The following IPO11 variants were observed in gnomAD, a reference collection of about 807,000 sequenced individuals.
IPO11 encodes importin 11, also known as importin-11.
A neutral mutation model predicts 143.2 loss-of-function variants in IPO11; 66 were observed. That is an observed-to-expected ratio of 0.46 (90% CI 0.38 to 0.57). IPO11 has a LOEUF of 0.57. Ranked by LOEUF, IPO11 falls within the 20% of genes least tolerant of loss-of-function variation. The pLI is 0.00. For missense variants in IPO11, 1,026 were observed against 1,141.0 expected, an observed-to-expected ratio of 0.90 and a Z score of 1.45; for synonymous variants, 385 against 377.8, an observed-to-expected ratio of 1.02 and a Z score of -0.22.
intron 29 of IPO11, among the ~76,000 whole-genome samples, chr5:62,617,421 A>G (rs1746181168): frequency 6.6e-6 from 1 of 152,174 alleles, no homozygotes; most frequent in Admixed American, 6.5e-5. Context: ...AGGAATATTA[A>G]TTATATTTCT....
intron 1 of IPO11, among the ~76,000 whole-genome samples, chr5:62,418,614 T>G (rs941145452): frequency 6.6e-6 from 1 of 152,198 alleles, no homozygotes; most frequent in Non-Finnish European, 1.5e-5. Context: ...CCTTTTAGAT[T>G]GGCAGTTAGT....
chr5:62,569,067 A>G (rs1744051421), intron 27 of IPO11, among the ~76,000 whole-genome samples: 3 of 151,980 alleles, frequency 2.0e-5, no homozygotes, highest in South Asian at 4.2e-4. Flanking sequence ...CTCTTCCCTC[A>G]TATGGAAGGA....
intron 27 of IPO11, among the ~76,000 whole-genome samples, chr5:62,582,649 G>A (rs1744612511): frequency 1.3e-5 from 2 of 152,180 alleles, no homozygotes; most frequent in Admixed American, 1.3e-4. Context: ...TGGGAGATAG[G>A]TAAGTGGGGA....
chr5:62,536,564 C>A, intron 22 of IPO11, 138 bp from the exon 23 acceptor site: 1 of 942,774 alleles, frequency 1.1e-6, no homozygotes. Flanking sequence ...TCTGTAGATA[C>A]TGGTAGTCTT....
At chr5:62,557,076 C>T (rs1474922426) in intron 26 of IPO11, among the ~76,000 whole-genome samples, 1 of 152,176 alleles carries the variant, frequency 6.6e-6, no homozygotes, top group East Asian at 1.9e-4. Flanking sequence ...CCTCAGTCGC[C>T]TAGATCCCAT....
Position 62,476,761 on chromosome 5 carries a change from T to C in IPO11, c.828+8T>C. On this transcript the variant is annotated splice_region_variant and intron_variant, in intron 9 of 29. Transcript: ENST00000325324. ...ATTCTTTTTACTAAAGTGGTAAGTT[T>C]TTTAAAAACTTGTTTTCTCAAATAT... The C allele has an allele frequency of 2.0e-6, 3 of 1,508,782 alleles. No individual in the cohort carries two copies. Among genetic ancestry groups the C allele is most frequent in the Non-Finnish European group, 2.7e-6 (3 of 1,124,696 alleles). The allele number at this position is 1,508,782 out of a possible 1,614,324, so 93.5% of individuals were successfully genotyped here. A position where few individuals can be genotyped will look rare whatever the true frequency, so the allele number is the denominator to read the frequency against.
intron 5 of IPO11, among the ~76,000 whole-genome samples, chr5:62,464,907 A>G: frequency 6.6e-6 from 1 of 152,258 alleles, no homozygotes; most frequent in East Asian, 1.9e-4. Flanking sequence ...AGATGCAAAG[A>G]AAAGCTATAA....
At chr5:62,437,498 G>A in intron 2 of IPO11, 81 bp downstream of exon 2, 1 of 1,228,502 alleles carries the variant, frequency 8.1e-7, no homozygotes, top group South Asian at 1.6e-5. Context: ...TAGTTTTATT[G>A]GTAGTTTAGT....
intron 24 of IPO11, among the ~76,000 whole-genome samples, chr5:62,539,397 G>C (rs1309495025): frequency 6.6e-6 from 1 of 152,140 alleles, no homozygotes; most frequent in Non-Finnish European, 1.5e-5. Flanking sequence ...TTGTTGCAGG[G>C]ACAAAAGTCA....
chr5:62,616,819 C>T, intron 29 of IPO11, among the ~76,000 whole-genome samples: 1 of 151,318 alleles, frequency 6.6e-6, no homozygotes. Flanking sequence ...CAATTTTGCT[C>T]TGTCAGCAGA....
intron 20 of IPO11, among the ~76,000 whole-genome samples, chr5:62,521,734 T>C (rs1742208755): frequency 2.0e-5 from 3 of 149,476 alleles, no homozygotes; most frequent in African/African-American, 7.3e-5. Context: ...TCCTTCCTGC[T>C]TTTTTTTTTC....
chr5:62,535,562 A>G (rs147145916), intron 22 of IPO11, among the ~76,000 whole-genome samples: 8 of 152,194 alleles, frequency 5.3e-5, no homozygotes, highest in African/African-American at 1.9e-4. Flanking sequence ...TATGTCTTTT[A>G]GATTAGTAAC....
chr5:62,592,807 A>G (rs1745075043), intron 28 of IPO11, among the ~76,000 whole-genome samples: 1 of 152,074 alleles, frequency 6.6e-6, no homozygotes, highest in South Asian at 2.1e-4. Context: ...GCTCACTCAC[A>G]AGCACGAGAA....
At chr5:62,542,348 T>G (rs978699661) in intron 24 of IPO11, among the ~76,000 whole-genome samples, 4 of 152,284 alleles carry the variant, frequency 2.6e-5, no homozygotes, top group African/African-American at 9.6e-5. Context: ...ATTTTTATGT[T>G]AAGGAATATT....
At chr5:62,561,856 A>G (rs1356735528) in intron 27 of IPO11, 2 of 152,188 alleles carry the variant, frequency 1.3e-5, no homozygotes, top group African/African-American at 2.4e-5. Context: ...GACAGTCAGT[A>G]CCTAGTTCTC....
intron 27 of IPO11, among the ~76,000 whole-genome samples, chr5:62,568,291 C>A (rs1381367119): frequency 6.6e-6 from 1 of 151,766 alleles, no homozygotes; most frequent in African/African-American, 2.4e-5. Flanking sequence ...ATTCTGTCTT[C>A]TACGTTACTC....
chr5:62,506,277 C>T lies in IPO11; in HGVS notation c.1702C>T (p.Leu568=). The T allele has an allele frequency of 1.9e-6, 3 of 1,610,384 alleles. No individual in the cohort carries two copies. The highest frequency in any genetic ancestry group is 2.5e-6 in the Non-Finnish European group (3 of 1,178,022). Residue 568 remains leucine, a synonymous_variant, in exon 19 of 30, where the codon CTG becomes TTG. Transcript: ENST00000325324. ...CATGTTCACACTACTTTTTCAGTTA[C>T]TGCAGCAAGTTACAGAATGTGACAC... The part of the protein sequence containing the change: ...ETMFTLLFQL[L]QQVTECDTKM...
intron 11 of IPO11, 80 bp downstream of exon 11, chr5:62,484,242 G>C: frequency 1.7e-6 from 2 of 1,165,072 alleles, no homozygotes; most frequent in South Asian, 2.0e-5. Flanking sequence ...GTATAATATT[G>C]TATTTTCATA....
At chr5:62,588,655 C>A (rs1482209913) in intron 27 of IPO11, among the ~76,000 whole-genome samples, 1 of 152,242 alleles carries the variant, frequency 6.6e-6, no homozygotes, top group Non-Finnish European at 1.5e-5. Context: ...CTCATTCATA[C>A]CCTCAGCTCT....
Sources: gnomAD v4.1 joint callset for allele counts (sites outside exome capture counted in the v4.1 genomes callset) on GRCh38, gnomAD v4.1.1 for gene constraint, MANE v1.5 for transcripts, NCBI Gene and HGNC (gene_info 2026-07-23, HGNC 2026-07-21) for gene names.